The following ARHGAP20 variants were observed in gnomAD, a reference collection of about 807,000 sequenced individuals.
The protein encoded by ARHGAP20 is rho GTPase-activating protein 20.
A neutral mutation model predicts 73.7 loss-of-function variants in ARHGAP20; 34 were observed. That is an observed-to-expected ratio of 0.46 (90% CI 0.35 to 0.61). The LOEUF is 0.61. Among genes scored for constraint, ARHGAP20 ranks in the 20% least tolerant of loss-of-function variants. ARHGAP20 has a pLI of 0.00. For synonymous variants in ARHGAP20, 523 were observed against 518.2 expected (o/e 1.01, Z -0.13); for missense variants, 1,314 against 1,420.9 (o/e 0.92, Z 1.21).
intron 9 of ARHGAP20, among the ~76,000 whole-genome samples, chr11:110,601,120 A>G (rs2134860335): frequency 6.6e-6 from 1 of 152,356 alleles, no homozygotes; most frequent in East Asian, 1.9e-4. Flanking sequence ...AAAACAAGAC[A>G]TGATTTTCCA....
chr11:110,711,641 G>A (rs1950659535), intron 1 of ARHGAP20: 7 of 1,478,462 alleles, frequency 4.7e-6, no homozygotes, highest in Non-Finnish European at 4.5e-6. Context: ...CACCAGCGCC[G>A]CAGCCCCGCT....
Position 110,580,010 on chromosome 11 carries a change from A to AAAGTGC in ARHGAP20, c.2930_2935dup (p.Cys977_Thr978dup). 1 of 1,614,234 alleles carries AAAGTGC rather than the reference A, an allele frequency of 6.2e-7. No individual in the cohort carries two copies. Among genetic ancestry groups the AAAGTGC allele is most frequent in the Non-Finnish European group, 8.5e-7 (1 of 1,180,050 alleles). On this transcript the variant is annotated inframe_insertion, in exon 15 of 15. Coordinates refer to ENST00000683387, the MANE Select transcript of ARHGAP20 (RefSeq NM_001384657.1). ...GTCTTCCCGTTTTCTCTGAGCCTGA[A>AAAGTGC]AAGTGCAATCTATTGGAGAGGAAGT...
At chr11:110,592,241 G>T in intron 9 of ARHGAP20, 86 bp from the exon 10 acceptor site, 1 of 1,296,956 alleles carries the variant, frequency 7.7e-7, no homozygotes, top group Non-Finnish European at 1.1e-6. Context: ...TATGTTTGTT[G>T]CTATGGCTCA....
chr11:110,676,233 GT>G (rs1949926564), intron 2 of ARHGAP20, among the ~76,000 whole-genome samples: 1 of 152,130 alleles, frequency 6.6e-6, no homozygotes, highest in African/African-American at 2.4e-5. Context: ...TTTGTCATCA[GT>G]TTTAAAATAC....
intron 1 of ARHGAP20, among the ~76,000 whole-genome samples, chr11:110,698,482 C>T (rs1415304966): frequency 1.3e-5 from 2 of 151,586 alleles, no homozygotes; most frequent in African/African-American, 4.8e-5. Flanking sequence ...TTAGAAGTTT[C>T]GGTAAGATTG....
At chr11:110,706,344 A>T (rs1215169100) in intron 1 of ARHGAP20, among the ~76,000 whole-genome samples, 1 of 152,132 alleles carries the variant, frequency 6.6e-6, no homozygotes, top group Non-Finnish European at 1.5e-5. Context: ...TTAGGAAAAA[A>T]TTAACACCTA....
chr11:110,577,115 C>T lies in ARHGAP20; in HGVS notation c.*2255G>A. 1.3e-6 allele frequency: 2 copies of T among 1,533,772 alleles called. No individual in the cohort carries two copies. The highest frequency in any genetic ancestry group is 2.5e-5 in the East Asian group (1 of 40,736). Reference sequence around the variant, plus strand: ...CTTCATACATATCCATTATCAGTGCCTTGAAAACCAAACAACTTTAAAAGT... The same window carrying T: ...CTTCATACATATCCATTATCAGTGCTTTGAAAACCAAACAACTTTAAAAGT... On this transcript the variant is annotated 3_prime_UTR_variant, in exon 15 of 15. Transcript: ENST00000683387.
At chr11:110,709,659 G>C (rs1950611026) in intron 1 of ARHGAP20, among the ~76,000 whole-genome samples, 1 of 152,098 alleles carries the variant, frequency 6.6e-6, no homozygotes, top group Non-Finnish European at 1.5e-5. Flanking sequence ...CTCAAAATAA[G>C]AATGAATTTG....
intron 3 of ARHGAP20, among the ~76,000 whole-genome samples, chr11:110,627,637 A>G (rs1369438351): frequency 6.6e-6 from 1 of 152,126 alleles, no homozygotes; most frequent in Non-Finnish European, 1.5e-5. Context: ...AATTTATTTC[A>G]TCTTCTTCAC....
At chr11:110,695,960 T>C (rs1187320960) in intron 1 of ARHGAP20, among the ~76,000 whole-genome samples, 1 of 151,578 alleles carries the variant, frequency 6.6e-6, no homozygotes, top group African/African-American at 2.4e-5. Context: ...ATGTGGTATA[T>C]CTATACAACA....
At position 110,648,475 on chromosome 11, in the gene ARHGAP20, A is replaced by G. The variant is rs1442770734; in HGVS notation, c.189-17683T>C. Among the ~76,000 whole-genome samples, 5 of 143,284 alleles carry G rather than the reference A, an allele frequency of 3.5e-5. No individual in the cohort carries two copies. In the East Asian group the frequency reaches 1.1e-3, roughly 31 times the overall value. The allele number at this position is 143,284 out of a possible 152,430, so 94.0% of individuals were successfully genotyped here. A position where few individuals can be genotyped will look rare whatever the true frequency, so the allele number is the denominator to read the frequency against. On this transcript the variant is annotated intron_variant, in intron 2 of 14. Coordinates refer to ENST00000683387, the MANE Select transcript of ARHGAP20 (RefSeq NM_001384657.1). Reference sequence around the variant, plus strand: ...AGAATAGACTCATAAGTTCCACACCATAACATGAATTTTTTTTTTTTTTTT... The same window carrying G: ...AGAATAGACTCATAAGTTCCACACCGTAACATGAATTTTTTTTTTTTTTTT...
At position 110,711,603 on chromosome 11, in the gene ARHGAP20, C is replaced by A. The variant is rs1950658154; in HGVS notation, c.105+524G>T. 3 of 1,486,186 alleles carry A rather than the reference C, an allele frequency of 2.0e-6. No homozygotes were observed. The Admixed American group carries it at 6.6e-5, about 33-fold the overall frequency. 92.1% of individuals were successfully genotyped at this position (1,486,186 alleles called of 1,614,324 possible). On this transcript the variant is annotated intron_variant, in intron 1 of 14. Transcript: ENST00000683387. ...GAAAACTGCTATGGAGCAGCCGCGC[C>A]TCGGCGGGCAGGTGAGGGGGCCGAG...
Position 110,578,481 on chromosome 11 carries a change from G to T in ARHGAP20, c.*889C>A, listed in dbSNP as rs2023. Reference sequence around the variant, plus strand: ...TTGATCACATTTTAACAGCATTTGTGTAATTGAGAAAGGACAGTTGTTGTG... The same window carrying T: ...TTGATCACATTTTAACAGCATTTGTTTAATTGAGAAAGGACAGTTGTTGTG... On this transcript the variant is annotated 3_prime_UTR_variant, in exon 15 of 15. Transcript: ENST00000683387. The T allele has an allele frequency of 9.1e-3, 8,942 of 985,398 alleles. 412 individuals carry two copies. In the African/African-American group the frequency reaches 0.12, roughly 13 times the overall value. 61.0% of individuals were successfully genotyped at this position (985,398 alleles called of 1,614,324 possible).
intron 8 of ARHGAP20, among the ~76,000 whole-genome samples, chr11:110,608,037 T>C (rs1269230883): frequency 6.6e-6 from 1 of 152,216 alleles, no homozygotes; most frequent in Non-Finnish European, 1.5e-5. Flanking sequence ...ATGATCACTT[T>C]CTGTATTCTA....
intron 10 of ARHGAP20, among the ~76,000 whole-genome samples, chr11:110,591,251 T>A (rs765213009): frequency 1.6e-4 from 24 of 152,228 alleles, no homozygotes; most frequent in Non-Finnish European, 2.6e-4. Flanking sequence ...AACCTAGTTA[T>A]GCCACTTGGT....
chr11:110,584,990 T>C (rs1466357334), intron 12 of ARHGAP20, among the ~76,000 whole-genome samples: 1 of 147,080 alleles, frequency 6.8e-6, no homozygotes, highest in Admixed American at 7.0e-5. Context: ...TGTGAAAATA[T>C]ATATGAATAT....
intron 2 of ARHGAP20, among the ~76,000 whole-genome samples, chr11:110,662,006 A>G (rs1028507194): frequency 6.6e-6 from 1 of 152,066 alleles, no homozygotes; most frequent in Admixed American, 6.5e-5. Context: ...TACGTAAGCA[A>G]TGAATTTACA....
chr11:110,600,808 T>C (rs1948091437), intron 9 of ARHGAP20, among the ~76,000 whole-genome samples: 1 of 151,774 alleles, frequency 6.6e-6, no homozygotes, highest in Admixed American at 6.6e-5. Flanking sequence ...GCTTTCCCAC[T>C]GGGGATCAAC....
intron 2 of ARHGAP20, among the ~76,000 whole-genome samples, chr11:110,676,530 T>C (rs1949933427): frequency 6.6e-6 from 1 of 152,142 alleles, no homozygotes; most frequent in Non-Finnish European, 1.5e-5. Context: ...ATCATGATGG[T>C]AACCACCCCC....
Sources: allele counts gnomAD v4.1 joint callset (sites outside exome capture counted in the v4.1 genomes callset), GRCh38; gene constraint gnomAD v4.1.1; transcripts MANE v1.5; gene names NCBI Gene and HGNC (gene_info 2026-07-23, HGNC 2026-07-21).